SAMD12: variants seen among roughly 807,000 people sequenced by gnomAD.
SAMD12 encodes the protein sterile alpha motif domain containing 12.
SAMD12 carries 9 observed loss-of-function variants against 15.0 expected under a neutral mutation model. The ratio of observed to expected loss-of-function variants is 0.60; its 90% CI spans 0.36 to 1.05. The LOEUF (loss-of-function observed/expected upper bound fraction) is 1.05, where lower values mean the gene tolerates loss of function less well. Ranked by LOEUF, SAMD12 falls within the 50% of genes least tolerant of loss-of-function variation. The pLI, the probability that SAMD12 is intolerant of heterozygous loss-of-function variation, is 0.01. For missense variants in SAMD12, 230 were observed against 234.2 expected (o/e 0.98, Z 0.12); for synonymous variants, 86 against 90.1 (o/e 0.96, Z 0.25).
chr8:118,507,073 A>G (rs925150487), intron 2 of SAMD12, among the ~76,000 whole-genome samples: 3 of 152,286 alleles, frequency 2.0e-5, no homozygotes, highest in African/African-American at 7.2e-5. Flanking sequence ...CAGTCTAGCT[A>G]CAACCAACTT....
intron 2 of SAMD12, among the ~76,000 whole-genome samples, chr8:118,549,318 T>A (rs1439601226): frequency 2.0e-5 from 3 of 152,182 alleles, no homozygotes; most frequent in Non-Finnish European, 4.4e-5. Flanking sequence ...AGCCAGGTAC[T>A]CCTCTGAGAC....
the SAMD12 span, among the ~76,000 whole-genome samples, chr8:118,159,940 G>A: frequency 2.6e-5 from 4 of 151,962 alleles, no homozygotes; most frequent in African/African-American, 7.3e-5. Flanking sequence ...GGCTGGTCTC[G>A]AAATCCTGAC....
At chr8:118,176,237 G>A in the SAMD12 span, among the ~76,000 whole-genome samples, 1 of 152,214 alleles carries the variant, frequency 6.6e-6, no homozygotes, top group African/African-American at 2.4e-5. Flanking sequence ...GGAGGCGGAG[G>A]TTGCAGTGAG....
chr8:118,264,958 A>C (rs1053802402), intron 4 of SAMD12, among the ~76,000 whole-genome samples: 1 of 152,102 alleles, frequency 6.6e-6, no homozygotes, highest in Non-Finnish European at 1.5e-5. Flanking sequence ...GGCTCAGGTA[A>C]TGTTGCTCAG....
chr8:118,608,216 T>A (rs1272945749), intron 1 of SAMD12, among the ~76,000 whole-genome samples: 1 of 151,792 alleles, frequency 6.6e-6, no homozygotes, highest in African/African-American at 2.4e-5. Context: ...TTCATTAGAA[T>A]GCCTTTTACT....
chr8:118,614,541 C>A (rs1031108239), intron 1 of SAMD12, among the ~76,000 whole-genome samples: 1 of 152,322 alleles, frequency 6.6e-6, no homozygotes, highest in East Asian at 1.9e-4. Context: ...TACCCCAGGT[C>A]TCAAGGGCAG....
Position 118,420,241 on chromosome 8 carries a change from G to GGA in SAMD12, c.322+19589_322+19590dup, listed in dbSNP as rs549415249. ...CTTACAACTAAGGGCTAATTGATGTGGAGATGGAAGGTTTGTGGTGCTATG... is the reference window on the plus strand; with the variant it reads ...CTTACAACTAAGGGCTAATTGATGTGGAGAGATGGAAGGTTTGTGGTGCTATG... On this transcript the variant is annotated intron_variant, in intron 3 of 3. Transcript: ENST00000314727. Among the ~76,000 whole-genome samples, 54 of 152,302 alleles carry GGA rather than the reference G, an allele frequency of 3.5e-4. No individual in the cohort carries two copies. The East Asian group carries it at 9.4e-3, about 27-fold the overall frequency.
intron 4 of SAMD12, among the ~76,000 whole-genome samples, chr8:118,216,149 T>A (rs1391344934): frequency 4.0e-5 from 6 of 149,354 alleles, no homozygotes; most frequent in African/African-American, 1.5e-4. Flanking sequence ...TTTTTAATGA[T>A]TGCCATTCTA....
In SAMD12 at chr8:118,298,279, T is replaced by C. The variant is rs28365512; in HGVS notation, c.433+81281A>G. On this transcript the variant is annotated intron_variant, in intron 4 of 4. Transcript: ENST00000409003. ...TAAACAACTTTATGCATTGTGTTTA[T>C]TTCAAAATGGGTAAGATGTGTTTAC... is the stretch of plus-strand genomic sequence containing the variant. Among the ~76,000 whole-genome samples the C allele has an allele frequency of 2.9e-4, 44 of 152,368 alleles. No homozygotes were observed. The East Asian group carries it at 8.5e-3, about 29-fold the overall frequency.
intron 2 of SAMD12, among the ~76,000 whole-genome samples, chr8:118,515,185 A>ATTTT (rs55864364): frequency 0.11 from 11,045 of 103,090 alleles, 959 homozygotes; most frequent in Non-Finnish European, 0.15. Context: ...CGCCCAGCTA[A>ATTTT]TTTTTTTTTT....
At chr8:118,324,134 C>T (rs1163494742) in intron 4 of SAMD12, among the ~76,000 whole-genome samples, 1 of 152,110 alleles carries the variant, frequency 6.6e-6, no homozygotes, top group Non-Finnish European at 1.5e-5. Context: ...GTTTCTTCTT[C>T]TCCTTATTTT....
intron 2 of SAMD12, among the ~76,000 whole-genome samples, chr8:118,571,778 G>A (rs1363128164): frequency 6.6e-6 from 1 of 152,216 alleles, no homozygotes; most frequent in East Asian, 1.9e-4. Flanking sequence ...GGAAATGCCT[G>A]GATGTTCAGG....
intron 2 of SAMD12, among the ~76,000 whole-genome samples, chr8:118,463,846 A>G (rs1471508310): frequency 4.6e-5 from 7 of 152,008 alleles, no homozygotes; most frequent in Non-Finnish European, 1.0e-4. Context: ...ATCATACTCA[A>G]TTACTGGGTT....
intron 4 of SAMD12, among the ~76,000 whole-genome samples, chr8:118,302,762 A>C (rs1388168404): frequency 1.3e-5 from 2 of 152,198 alleles, no homozygotes; most frequent in African/African-American, 4.8e-5. Flanking sequence ...CTTCAAACTT[A>C]ATGCTTCTGG....
At chr8:118,252,309 G>A (rs1286789191) in intron 4 of SAMD12, among the ~76,000 whole-genome samples, 2 of 152,144 alleles carry the variant, frequency 1.3e-5, no homozygotes, top group Non-Finnish European at 2.9e-5. Flanking sequence ...GACCAGGATG[G>A]AGACAGGGAT....
intron 2 of SAMD12, among the ~76,000 whole-genome samples, chr8:118,540,481 A>G (rs1825959297): frequency 6.6e-6 from 1 of 152,160 alleles, no homozygotes; most frequent in Admixed American, 6.5e-5. Context: ...TGAATTGTGC[A>G]TAACCCTGGG....
In SAMD12 at chr8:118,562,210, G is replaced by A. The variant is rs527850829; in HGVS notation, c.192+18505C>T. The stretch of plus-strand genomic sequence containing the variant: ...CTGTTGTGTTTCTTTTATTTTGCCC[G>A]TTAACATAATTGTAGCACATCCAAG... On this transcript the variant is annotated intron_variant, in intron 2 of 3. Coordinates refer to ENST00000314727, the MANE Select transcript of SAMD12 (RefSeq NM_207506.3). 5.3e-5 allele frequency among the ~76,000 whole-genome samples: 8 copies of A among 152,190 alleles called. No homozygotes were observed. The South Asian group carries it at 1.5e-3, about 28-fold the overall frequency.
At chr8:118,148,311 G>C in the SAMD12 span, among the ~76,000 whole-genome samples, 1 of 152,102 alleles carries the variant, frequency 6.6e-6, no homozygotes, top group African/African-American at 2.4e-5. Flanking sequence ...AGATCCTCCT[G>C]CCTCAGCCTC....
intron 3 of SAMD12, among the ~76,000 whole-genome samples, chr8:118,428,561 A>G (rs1563854308): frequency 1.3e-5 from 2 of 152,106 alleles, no homozygotes; most frequent in South Asian, 2.1e-4. Flanking sequence ...TTCCTTCTAT[A>G]AAGTTTTAAA....
Sources: allele counts gnomAD v4.1 joint callset (sites outside exome capture counted in the v4.1 genomes callset), GRCh38; gene constraint gnomAD v4.1.1; transcripts MANE v1.5; gene names NCBI Gene and HGNC (gene_info 2026-07-23, HGNC 2026-07-21).